The following TOGARAM2 variants were observed in gnomAD, a reference collection of about 807,000 sequenced individuals.
TOGARAM2 encodes the protein TOG array regulator of axonemal microtubules 2, also known as TOG array regulator of axonemal microtubules protein 2.
In TOGARAM2, 85 loss-of-function variants were observed where a neutral mutation model predicts 93.3. That is an observed-to-expected ratio of 0.91 (90% CI 0.76 to 1.09). The LOEUF is 1.09. TOGARAM2 is among the 50% of genes least tolerant of loss of function. The pLI is 0.00. For missense variants in TOGARAM2, 1,277 were observed against 1,334.5 expected (o/e 0.96, Z 0.67); for synonymous variants, 593 against 552.8 (o/e 1.07, Z -1.02).
chr2:29,008,703 C>A (rs1664035270), intron 6 of TOGARAM2, among the ~76,000 whole-genome samples: 1 of 152,184 alleles, frequency 6.6e-6, no homozygotes, highest in Non-Finnish European at 1.5e-5. Context: ...GTGATCTGCC[C>A]ACCTCGGCCT....
intron 13 of TOGARAM2, among the ~76,000 whole-genome samples, chr2:29,024,757 G>A (rs1665234476): frequency 6.6e-6 from 1 of 152,180 alleles, no homozygotes; most frequent in Non-Finnish European, 1.5e-5. Context: ...GGCTGTGGGA[G>A]CGCCCCGGGA....
intron 4 of TOGARAM2, among the ~76,000 whole-genome samples, chr2:29,001,657 C>G (rs538336696): frequency 2.2e-4 from 33 of 152,130 alleles, no homozygotes; most frequent in Admixed American, 1.3e-3. Context: ...TGTGCCACCA[C>G]GCCCGGCTAA....
chr2:29,032,692 A>G (rs1665840138), intron 14 of TOGARAM2: 2 of 446,348 alleles, frequency 4.5e-6, no homozygotes, highest in Non-Finnish European at 7.9e-6. Flanking sequence ...TAGAAAGTAA[A>G]TGCCACAGAA....
chr2:29,005,453 G>C (rs904383807), intron 6 of TOGARAM2, among the ~76,000 whole-genome samples: 1 of 147,444 alleles, frequency 6.8e-6, no homozygotes, highest in African/African-American at 2.5e-5. Flanking sequence ...ATGTATGTGA[G>C]AGCATGTGTG....
chr2:29,003,458 A>G (rs759641929), intron 5 of TOGARAM2, 34 bp from the exon 6 acceptor site: 28 of 1,429,960 alleles, frequency 2.0e-5, no homozygotes, highest in Admixed American at 8.6e-5. Flanking sequence ...GGATGTTGCC[A>G]TAGGCCAGAC....
chr2:29,007,715 C>T lies in TOGARAM2; in HGVS notation c.831-3740C>T, dbSNP rs867498017. 3.3e-5 allele frequency among the ~76,000 whole-genome samples: 5 copies of T among 152,226 alleles called. No homozygotes were observed. The Middle Eastern group carries it at 0.01, about 311-fold the overall frequency. The stretch of plus-strand genomic sequence containing the variant: ...GGGTCCTTTGTGTCAAGGACCCAGG[C>T]GCATAATGCTGAGTCTCCTTGGCCT... On this transcript the variant is annotated intron_variant, in intron 6 of 19. Transcript: ENST00000379558.
chr2:29,009,811 C>A (rs1438684267), intron 6 of TOGARAM2, among the ~76,000 whole-genome samples: 1 of 151,688 alleles, frequency 6.6e-6, no homozygotes, highest in Non-Finnish European at 1.5e-5. Context: ...TGCGGAGGAG[C>A]CTGAGCGGTG....
chr2:28,959,018 C>T (rs1259595071), intron 1 of TOGARAM2, among the ~76,000 whole-genome samples: 1 of 152,164 alleles, frequency 6.6e-6, no homozygotes, highest in Non-Finnish European at 1.5e-5. Flanking sequence ...TGTAGCCCAG[C>T]AGCAGGCGTG....
At chr2:29,004,169 G>C (rs13001972) in intron 6 of TOGARAM2, among the ~76,000 whole-genome samples, 109,006 of 151,916 alleles carry the variant, frequency 0.72, 41,319 homozygotes, top group Non-Finnish European at 0.85. Flanking sequence ...TTTTAGTAGA[G>C]ACGGGTTTCA....
intron 18 of TOGARAM2, among the ~76,000 whole-genome samples, chr2:29,041,394 TCA>T (rs1230639883): frequency 1.3e-5 from 2 of 152,192 alleles, no homozygotes; most frequent in African/African-American, 4.8e-5. Context: ...AGTGAATCAG[TCA>T]CAGTTTTTTC....
chr2:29,004,949 T>A lies in TOGARAM2; in HGVS notation c.830+1267T>A, dbSNP rs56812320. Among the ~76,000 whole-genome samples the A allele has an allele frequency of 1.0e-4, 14 of 136,190 alleles. 1 individual carries two copies. The highest frequency in any genetic ancestry group is 2.6e-4 in the East Asian group (1 of 3,834). The allele number at this position is 136,190 out of a possible 152,430, so 89.3% of individuals were successfully genotyped here. ...GTGTGAGTGCATGTGTGTGCATGTG[T>A]GTGCATGTGTATGTGTGTGAGTGCA... On this transcript the variant is annotated intron_variant, in intron 6 of 19. Coordinates refer to ENST00000379558, the MANE Select transcript of TOGARAM2 (RefSeq NM_199280.4).
chr2:28,978,073 A>AT (rs1392963234), upstream of TOGARAM2, among the ~76,000 whole-genome samples: 1 of 151,914 alleles, frequency 6.6e-6, no homozygotes, highest in Non-Finnish European at 1.5e-5. Flanking sequence ...TGCCCAGCTA[A>AT]TTTTTGTATT....
At chr2:28,974,985 C>T (rs1672002621) in intron 1 of TOGARAM2, among the ~76,000 whole-genome samples, 1 of 151,616 alleles carries the variant, frequency 6.6e-6, no homozygotes, top group Non-Finnish European at 1.5e-5. Context: ...CGAGTAATTT[C>T]TATGGTTTTA....
intron 5 of TOGARAM2, 35 bp downstream of exon 5, chr2:29,002,782 A>T: frequency 1.3e-6 from 2 of 1,585,112 alleles, no homozygotes; most frequent in South Asian, 2.3e-5. Context: ...TCTGGTCCTC[A>T]GCTTCTTGCC....
At chr2:29,016,862 C>G (rs1216757518) in intron 8 of TOGARAM2, among the ~76,000 whole-genome samples, 1 of 152,232 alleles carries the variant, frequency 6.6e-6, no homozygotes, top group Non-Finnish European at 1.5e-5. Flanking sequence ...TCCTTTATTT[C>G]TGTCTCCACT....
rs1671725796 is a variant in TOGARAM2 at position 28,956,868 on chromosome 2, T to A, written c.-147+171T>A. ...GGCCGGGTATGGTGGCTCATGCCTGTAATCCCAACACTTTGGGAGGCCGAG... is the reference window on the plus strand; with the variant it reads ...GGCCGGGTATGGTGGCTCATGCCTGAAATCCCAACACTTTGGGAGGCCGAG... On this transcript the variant is annotated intron_variant, in intron 1 of 6. Coordinates refer to the TOGARAM2 transcript ENST00000401723. This position sits in a 1 kb window ranked among gnomAD's most constrained non-coding sequence, Gnocchi z 4.5. 6.6e-6 allele frequency among the ~76,000 whole-genome samples: 1 copy of A among 152,164 alleles called. No individual in the cohort carries two copies. Among genetic ancestry groups the A allele is most frequent in the African/African-American group, 2.4e-5 (1 of 41,420 alleles).
chr2:29,028,710 C>T (rs1665562612), intron 14 of TOGARAM2, among the ~76,000 whole-genome samples: 1 of 152,070 alleles, frequency 6.6e-6, no homozygotes, highest in African/African-American at 2.4e-5. Flanking sequence ...CCCCACAGTC[C>T]AGGCAAGAGG....
chr2:28,969,107 A>G (rs1572617496), intron 1 of TOGARAM2, among the ~76,000 whole-genome samples: 1 of 152,316 alleles, frequency 6.6e-6, no homozygotes, highest in East Asian at 1.9e-4. Context: ...AGAGAAGGAC[A>G]AAGGTCCACA....
chr2:28,986,561 A>G (rs1033980237), intron 1 of TOGARAM2, among the ~76,000 whole-genome samples: 2 of 152,190 alleles, frequency 1.3e-5, no homozygotes, highest in African/African-American at 2.4e-5. Flanking sequence ...CTTCCCAGCA[A>G]CGTGCTACTT....
Sources: allele counts gnomAD v4.1 joint callset (sites outside exome capture counted in the v4.1 genomes callset), GRCh38; gene constraint gnomAD v4.1.1; non-coding constraint Gnocchi (gnomAD v3.1); transcripts MANE v1.5; gene names NCBI Gene and HGNC (gene_info 2026-07-23, HGNC 2026-07-21).